Variants in DGCR8 observed in about 807,000 individuals in gnomAD.
DGCR8 encodes the protein DGCR8 microprocessor complex subunit, also known as microprocessor complex subunit DGCR8.
A neutral mutation model predicts 78.5 loss-of-function variants in DGCR8; 14 were observed. The ratio of observed to expected loss-of-function variants is 0.18; its 90% CI spans 0.12 to 0.28. DGCR8 has a LOEUF of 0.28. DGCR8 is among the 10% of genes least tolerant of loss of function. The pLI, the probability that DGCR8 is intolerant of heterozygous loss-of-function variation, is 1.00. For missense variants in DGCR8, 702 were observed against 1,022.5 expected (o/e 0.69, Z 4.28); for synonymous variants, 399 against 402.4 (o/e 0.99, Z 0.10).
At chr22:20,091,821 G>A in intron 6 of DGCR8, 48 bp from the exon 7 acceptor site, 1 of 1,571,122 alleles carries the variant, frequency 6.4e-7, no homozygotes, top group Non-Finnish European at 8.8e-7. Flanking sequence ...CTGTGTGCTA[G>A]CTTGTGGCAC....
At chr22:20,101,236 T>C (rs1280198582) in intron 9 of DGCR8, 2 of 985,304 alleles carry the variant, frequency 2.0e-6, no homozygotes, top group African/African-American at 3.5e-5. Flanking sequence ...GGGTGCCTTT[T>C]GTATGTGCCC....
intron 9 of DGCR8, among the ~76,000 whole-genome samples, chr22:20,096,734 C>T (rs1003916341): frequency 6.6e-6 from 1 of 152,198 alleles, no homozygotes; most frequent in East Asian, 1.9e-4. Context: ...TATCTGCCAA[C>T]TCTGGACATT....
Position 20,110,377 on chromosome 22 carries a change from A to G in DGCR8, c.*269A>G. On this transcript the variant is annotated 3_prime_UTR_variant, in exon 14 of 14. Transcript: ENST00000351989. Reference sequence around the variant, plus strand: ...CACCAGTGGCAGCTGGTGACTGTGGACAGTGGTGGACCCTGCTTCTGTGCA... The same window carrying G: ...CACCAGTGGCAGCTGGTGACTGTGGGCAGTGGTGGACCCTGCTTCTGTGCA... The G allele has an allele frequency of 2.2e-6, 1 of 461,088 alleles. No individual in the cohort carries two copies. 28.6% of individuals were successfully genotyped at this position (461,088 alleles called of 1,614,324 possible). A position where few individuals can be genotyped will look rare whatever the true frequency, so the allele number is the denominator to read the frequency against.
At chr22:20,100,541 T>C in intron 9 of DGCR8, 1 of 979,606 alleles carries the variant, frequency 1.0e-6, no homozygotes, top group Non-Finnish European at 1.2e-6. Flanking sequence ...CCTGTCTGAG[T>C]AAAAGCCCTG....
At position 20,108,885 on chromosome 22, in the gene DGCR8, C is replaced by A. The variant is rs759779913; in HGVS notation, c.2125-5C>A. 4 of 1,520,500 alleles carry A rather than the reference C, an allele frequency of 2.6e-6. No homozygotes were observed. The Admixed American group carries it at 6.7e-5, about 25-fold the overall frequency. The allele number at this position is 1,520,500 out of a possible 1,614,324, so 94.2% of individuals were successfully genotyped here. A position where few individuals can be genotyped will look rare whatever the true frequency, so the allele number is the denominator to read the frequency against. On this transcript the variant is annotated splice_region_variant and splice_polypyrimidine_tract_variant and intron_variant, in intron 12 of 13. Coordinates refer to ENST00000351989, the MANE Select transcript of DGCR8 (RefSeq NM_022720.7). ...GTCCTGAGCGTGAGGTGCTATACTT[C>A]CCAGGAGACATCGGACAAGAGTGTG... is the stretch of plus-strand genomic sequence containing the variant.
chr22:20,092,136 C>T (rs1337051840), intron 7 of DGCR8, among the ~76,000 whole-genome samples, 166 bp downstream of exon 7: 1 of 152,188 alleles, frequency 6.6e-6, no homozygotes, highest in Admixed American at 6.5e-5. Flanking sequence ...CCTGGAGCCG[C>T]GCCCCATCTG....
chr22:20,090,002 C>T lies in DGCR8; in HGVS notation c.1050C>T (p.Ile350=), dbSNP rs2049533341. The part of the protein sequence containing the change: ...IRKHDPPLSS[I]PCLHYKKMKD... The stretch of plus-strand genomic sequence containing the variant: ...AACACGACCCTCCTCTGAGTAGCAT[C>T]CCTTGTCTGCATTATAAGAAAATGA... The change falls in exon 5 of 14, where the codon ATC becomes ATT. Residue 350 remains isoleucine, a synonymous_variant. Transcript: ENST00000351989. 1.2e-6 allele frequency: 2 copies of T among 1,613,534 alleles called. No homozygotes were observed. The highest frequency in any genetic ancestry group is 1.3e-5 in the African/African-American group (1 of 74,904).
chr22:20,088,505 C>T (rs529468130), intron 3 of DGCR8, among the ~76,000 whole-genome samples: 99 of 152,268 alleles, frequency 6.5e-4, no homozygotes, highest in African/African-American at 2.3e-3. Context: ...GCAGCCCCAG[C>T]GGACCCGTGG....
intron 9 of DGCR8, among the ~76,000 whole-genome samples, chr22:20,095,397 C>T (rs1446290391): frequency 3.3e-5 from 5 of 152,136 alleles, no homozygotes; most frequent in African/African-American, 7.2e-5. Context: ...TTAGCCACTG[C>T]GCCCGGCCCT....
At position 20,089,601 on chromosome 22, in the gene DGCR8, G is replaced by T; in HGVS notation, c.881-68G>T. On this transcript the variant is annotated intron_variant, in intron 3 of 13. Transcript: ENST00000351989. The surrounding 1 kb of genome is among the most constrained non-coding windows in gnomAD (Gnocchi z 4.9). ...TAGTACCCAACAATTTCTTGTGCAGGAGGTGCTGTGGCAACAATTCCAAGT... is the reference window on the plus strand; with the variant it reads ...TAGTACCCAACAATTTCTTGTGCAGTAGGTGCTGTGGCAACAATTCCAAGT... 6.4e-7 allele frequency: 1 copy of T among 1,557,538 alleles called. No individual in the cohort carries two copies.
chr22:20,091,604 A>G lies in DGCR8; in HGVS notation c.1476A>G (p.Leu492=), dbSNP rs765928316. Reference sequence around the variant, plus strand: ...CAGCCAATCAGAAGCTCATTACTTTATCAGTGCAAGATGCACCCACAAAGA... The same window carrying G: ...CAGCCAATCAGAAGCTCATTACTTTGTCAGTGCAAGATGCACCCACAAAGA... The part of the protein sequence containing the change: ...ILPANQKLIT[L]SVQDAPTKKE... The change falls in exon 6 of 14, where the codon TTA becomes TTG. Residue 492 remains leucine, a synonymous_variant. Transcript: ENST00000351989. 1.1e-5 allele frequency: 18 copies of G among 1,614,110 alleles called. No homozygotes were observed. The highest frequency in any genetic ancestry group is 1.4e-5 in the Non-Finnish European group (16 of 1,180,056).
chr22:20,094,420 C>T (rs1214209826), intron 8 of DGCR8, among the ~76,000 whole-genome samples: 1 of 152,204 alleles, frequency 6.6e-6, no homozygotes, highest in African/African-American at 2.4e-5. Flanking sequence ...CACGTGCCAC[C>T]GAAGTGGTTC....
chr22:20,087,117 GC>G lies in DGCR8; in HGVS notation c.721-44del. 6.4e-7 allele frequency: 1 copy of G among 1,567,636 alleles called. No homozygotes were observed. The highest frequency in any genetic ancestry group is 8.7e-7 in the Non-Finnish European group (1 of 1,154,198). ...GCTGTTGAGCTCTCCTGTTGCAGGAGCATGAGCGCCAGGGGCTCTGGTGTCT... is the reference window on the plus strand; with the variant it reads ...GCTGTTGAGCTCTCCTGTTGCAGGAGATGAGCGCCAGGGGCTCTGGTGTCT... On this transcript the variant is annotated intron_variant, in intron 2 of 13. Coordinates refer to ENST00000351989, the MANE Select transcript of DGCR8 (RefSeq NM_022720.7). The surrounding 1 kb of genome is among the most constrained non-coding windows in gnomAD (Gnocchi z 4.1).
intron 1 of DGCR8, among the ~76,000 whole-genome samples, chr22:20,082,789 A>C (rs1175551165): frequency 6.6e-6 from 1 of 152,236 alleles, no homozygotes; most frequent in Non-Finnish European, 1.5e-5. Flanking sequence ...CATGTGGGTG[A>C]ACCTTTCTTC....
intron 1 of DGCR8, among the ~76,000 whole-genome samples, chr22:20,083,718 G>T (rs965020484): frequency 2.6e-5 from 4 of 152,124 alleles, no homozygotes; most frequent in Non-Finnish European, 4.4e-5. Flanking sequence ...CTATGGGACT[G>T]CCAGGTTCTG....
chr22:20,090,869 T>C (rs2049549117), intron 5 of DGCR8, among the ~76,000 whole-genome samples: 1 of 152,076 alleles, frequency 6.6e-6, no homozygotes, highest in African/African-American at 2.4e-5. Flanking sequence ...TCTATTTGTC[T>C]GTACATCACT....
At chr22:20,097,782 T>C (rs1211903493) in intron 9 of DGCR8, among the ~76,000 whole-genome samples, 1 of 151,526 alleles carries the variant, frequency 6.6e-6, no homozygotes, top group Admixed American at 6.6e-5. Context: ...AAAAATTCTT[T>C]ATTGGGTAAT....
At position 20,086,268 on chromosome 22, in the gene DGCR8, C is replaced by T; in HGVS notation, c.305C>T (p.Ala102Val). 1.9e-6 allele frequency: 3 copies of T among 1,614,182 alleles called. No individual in the cohort carries two copies. The highest frequency in any genetic ancestry group is 1.3e-5 in the African/African-American group (1 of 75,054). Residue 102 changes from alanine to valine, a missense_variant, in exon 2 of 14, where the codon GCA becomes GTA. Physicochemically the swap from Ala to Val is moderately conservative, Grantham distance 64. Around this residue, in one of 4 missense-constraint regions of DGCR8, gnomAD observed 356 missense variants for 448.9 expected, o/e 0.79. Transcript: ENST00000351989. The surrounding 1 kb of genome is among the most constrained non-coding windows in gnomAD (Gnocchi z 6.4). ...SGHSPRTARH[A>V]PAVRKFSPDL... ...CACAGCCCGCGCACCGCCCGGCACG[C>T]ACCTGCGGTCCGGAAGTTCTCCCCT...
chr22:20,106,314 C>A, intron 10 of DGCR8, 37 bp downstream of exon 10: 2 of 1,514,436 alleles, frequency 1.3e-6, no homozygotes, highest in South Asian at 2.2e-5. Context: ...TGAGTCAGGT[C>A]GGGGGAGCTC....
Sources: allele counts gnomAD v4.1 joint callset (sites outside exome capture counted in the v4.1 genomes callset), GRCh38; gene constraint gnomAD v4.1.1; regional missense constraint gnomAD v4.1.1; non-coding constraint Gnocchi (gnomAD v3.1); transcripts MANE v1.5; gene names NCBI Gene and HGNC (gene_info 2026-07-23, HGNC 2026-07-21).